Variants in SUSD1 observed in about 807,000 individuals in gnomAD.
SUSD1 encodes sushi domain containing 1, also known as sushi domain-containing protein 1.
SUSD1 carries 65 observed loss-of-function variants against 86.9 expected under a neutral mutation model. The ratio of observed to expected loss-of-function variants is 0.75; its 90% confidence interval spans 0.61 to 0.92. The LOEUF (loss-of-function observed/expected upper bound fraction) is 0.92, where lower values mean the gene tolerates loss of function less well. Ranked by LOEUF, SUSD1 falls within the 40% of genes least tolerant of loss-of-function variation. The pLI is 0.00. For synonymous variants in SUSD1, 346 were observed against 350.0 expected, an observed-to-expected ratio of 0.99 and a Z score of 0.13; for missense variants, 850 against 929.7, an observed-to-expected ratio of 0.91 and a Z score of 1.11.
At chr9:112,164,941 T>A (rs1833716513) in intron 1 of SUSD1, among the ~76,000 whole-genome samples, 1 of 152,200 alleles carries the variant, frequency 6.6e-6, no homozygotes, top group African/African-American at 2.4e-5. Flanking sequence ...CGAAACTCAG[T>A]CTCAAAAACA....
chr9:112,153,029 G>T (rs1308027518), intron 2 of SUSD1, among the ~76,000 whole-genome samples: 1 of 152,016 alleles, frequency 6.6e-6, no homozygotes, highest in Non-Finnish European at 1.5e-5. Context: ...ACTTTGGGAG[G>T]CCAAGGCAAG....
At chr9:112,126,652 G>T (rs1831787923) in intron 5 of SUSD1, among the ~76,000 whole-genome samples, 1 of 152,096 alleles carries the variant, frequency 6.6e-6, no homozygotes, top group Non-Finnish European at 1.5e-5. Flanking sequence ...GCACGGCTTG[G>T]ATTAAACGCA....
intron 15 of SUSD1, 159 bp from the exon 16 acceptor site, chr9:112,042,119 G>A: frequency 6.5e-7 from 1 of 1,541,180 alleles, no homozygotes; most frequent in Non-Finnish European, 8.7e-7. Context: ...CCCCTGAGTT[G>A]GCCCTGTGGA....
At chr9:112,058,747 C>A in intron 13 of SUSD1, 61 bp from the exon 14 acceptor site, 2 of 1,576,068 alleles carry the variant, frequency 1.3e-6, no homozygotes, top group Non-Finnish European at 8.6e-7. Flanking sequence ...TTCATTCATT[C>A]ATATTTATTG....
At chr9:112,091,656 A>G (rs1388821556) in intron 10 of SUSD1, among the ~76,000 whole-genome samples, 1 of 152,256 alleles carries the variant, frequency 6.6e-6, no homozygotes, top group Non-Finnish European at 1.5e-5. Context: ...ATATTGTCAT[A>G]AAGAATGGCT....
Position 112,066,045 on chromosome 9 carries a change from G to A in SUSD1, c.1754-3012C>T, listed in dbSNP as rs184503063. On this transcript the variant is annotated intron_variant, in intron 12 of 16. Transcript: ENST00000374270. ...TTATCAGTGAGGAAATCAAGGCTCAGGCAGGCCGAGTCACACCACTAGAAG... is the reference window on the plus strand; with the variant it reads ...TTATCAGTGAGGAAATCAAGGCTCAAGCAGGCCGAGTCACACCACTAGAAG... 3.7e-4 allele frequency among the ~76,000 whole-genome samples: 57 copies of A among 152,360 alleles called. No individual in the cohort carries two copies. The East Asian group carries it at 0.01, about 27-fold the overall frequency.
intron 10 of SUSD1, among the ~76,000 whole-genome samples, chr9:112,095,074 C>T (rs937012938): frequency 6.6e-6 from 1 of 152,098 alleles, no homozygotes; most frequent in African/African-American, 2.4e-5. Flanking sequence ...AAAGAAATGC[C>T]TCCTAGTGAA....
chr9:112,045,084 T>C (rs1025290465), intron 15 of SUSD1, among the ~76,000 whole-genome samples: 3 of 152,260 alleles, frequency 2.0e-5, no homozygotes, highest in African/African-American at 7.2e-5. Context: ...GCCATCTTTG[T>C]GCATGACTCA....
intron 12 of SUSD1, among the ~76,000 whole-genome samples, chr9:112,076,556 T>G (rs1262171778): frequency 1.3e-5 from 2 of 152,158 alleles, no homozygotes. Context: ...CCGTTTGATT[T>G]GCGTATTAGA....
In SUSD1 at chr9:112,142,359, C is replaced by T; in HGVS notation, c.667G>A (p.Gly223Ser). ...TTTGGGGACTCCCATGTGCCCAGGCCTGTGCAGCTTGAAACTGTATCTTCT... is the reference window on the plus strand; with the variant it reads ...TTTGGGGACTCCCATGTGCCCAGGCTTGTGCAGCTTGAAACTGTATCTTCT... Reference protein sequence around the residue: ...VPEDTVSSCTGLGTWESPKLH... With the variant: ...VPEDTVSSCTSLGTWESPKLH... Residue 223 changes from glycine (G) to serine (S), a missense_variant, in exon 5 of 17, where the codon GGC (glycine) becomes AGC (serine). Coordinates refer to ENST00000374270, the MANE Select transcript of SUSD1 (RefSeq NM_022486.5). 1 of 1,613,854 alleles carries T rather than the reference C, an allele frequency of 6.2e-7. No individual in the cohort carries two copies. The highest frequency in any genetic ancestry group is 8.5e-7 in the Non-Finnish European group (1 of 1,179,918).
intron 8 of SUSD1, among the ~76,000 whole-genome samples, chr9:112,110,587 G>A (rs969085892): frequency 4.0e-5 from 6 of 151,012 alleles, no homozygotes; most frequent in Non-Finnish European, 8.8e-5. Context: ...TAGAGATGGG[G>A]CCTCACTGTG....
At chr9:112,056,762 G>A (rs1233461704) in intron 14 of SUSD1, among the ~76,000 whole-genome samples, 1 of 151,930 alleles carries the variant, frequency 6.6e-6, no homozygotes, top group Non-Finnish European at 1.5e-5. Flanking sequence ...CTGTTGCCCA[G>A]GCTGGAGTGC....
chr9:112,055,251 TC>T (rs1828397004), intron 14 of SUSD1, among the ~76,000 whole-genome samples: 1 of 151,990 alleles, frequency 6.6e-6, no homozygotes. Flanking sequence ...CATGGCAAAA[TC>T]CTGTCTCTAT....
chr9:112,041,611 T>A lies in SUSD1; in HGVS notation c.*-119A>T, dbSNP rs927861982. ...TGGGAGGAGGCGAGGGGGAGCAGCA[T>A]GGAAGCTCAGCCACCCCTCTGTGTG... On this transcript the variant is annotated intron_variant, in intron 16 of 16. Transcript: ENST00000374270. 5.4e-6 allele frequency: 4 copies of A among 738,734 alleles called. No individual in the cohort carries two copies. The African/African-American group carries it at 6.8e-5, about 13-fold the overall frequency. 45.8% of individuals were successfully genotyped at this position (738,734 alleles called of 1,614,324 possible). A position where few individuals can be genotyped will look rare whatever the true frequency, so the allele number is the denominator to read the frequency against.
chr9:112,063,018 T>C lies in SUSD1; in HGVS notation c.1769A>G (p.Glu590Gly). ...TCTGTGCACCGTAAAAAATTCTACT[T>C]CCGGGAGGGGAGGCTCTGAAAACAT... ...TTQITEPPLP[E>G]VEFFTVHRGP... The change falls in exon 13 of 17, where the codon GAA becomes GGA. Residue 590 changes from glutamate (E) to glycine (G), a missense_variant. By Grantham distance (98) the Glu-to-Gly change is moderately conservative. Transcript: ENST00000374270. The C allele has an allele frequency of 6.2e-7, 1 of 1,612,328 alleles. No individual in the cohort carries two copies. The highest frequency in any genetic ancestry group is 8.5e-7 in the Non-Finnish European group (1 of 1,178,566).
intron 1 of SUSD1, among the ~76,000 whole-genome samples, chr9:112,167,181 C>T (rs757760734): frequency 7.2e-5 from 11 of 152,114 alleles, no homozygotes; most frequent in Non-Finnish European, 1.2e-4. Flanking sequence ...ACTGCAGCCT[C>T]GACCTCCCAG....
chr9:112,128,465 T>C (rs1334188109), intron 5 of SUSD1, among the ~76,000 whole-genome samples: 1 of 150,740 alleles, frequency 6.6e-6, no homozygotes, highest in Non-Finnish European at 1.5e-5. Context: ...GCAATCTCGG[T>C]TCACTGCAAC....
chr9:112,074,172 C>T (rs1006528197), intron 12 of SUSD1, among the ~76,000 whole-genome samples: 1 of 152,070 alleles, frequency 6.6e-6, no homozygotes, highest in African/African-American at 2.4e-5. Context: ...GCTCAGATCA[C>T]GCCACTGCAC....
At chr9:112,054,015 G>T (rs949876802) in intron 14 of SUSD1, among the ~76,000 whole-genome samples, 17 of 152,136 alleles carry the variant, frequency 1.1e-4, no homozygotes, top group Admixed American at 1.0e-3. Context: ...GAAGAGACAA[G>T]AACTATTTAC....
Sources: gnomAD v4.1 joint callset for allele counts (sites outside exome capture counted in the v4.1 genomes callset) on GRCh38, gnomAD v4.1.1 for gene constraint, MANE v1.5 for transcripts, NCBI Gene and HGNC (gene_info 2026-07-23, HGNC 2026-07-21) for gene names.